The following SEMA6D variants were observed in gnomAD, a reference collection of about 807,000 sequenced individuals.
SEMA6D encodes semaphorin-6D.
A neutral mutation model predicts 106.6 loss-of-function variants in SEMA6D; 35 were observed. The ratio of observed to expected loss-of-function variants is 0.33; its 90% CI spans 0.25 to 0.44. SEMA6D has a LOEUF of 0.44. Ranked by LOEUF, SEMA6D falls within the 20% of genes least tolerant of loss-of-function variation. SEMA6D has a pLI of 1.00. For missense variants in SEMA6D, 1,185 were observed against 1,345.9 expected (o/e 0.88, Z 1.87); for synonymous variants, 499 against 487.7 (o/e 1.02, Z -0.31).
chr15:47,241,908 G>A (rs976054569), intron 1 of SEMA6D, among the ~76,000 whole-genome samples: 2 of 151,978 alleles, frequency 1.3e-5, no homozygotes, highest in Non-Finnish European at 2.9e-5. Flanking sequence ...TGTATTTCTG[G>A]CCCTTGTCCT....
At chr15:47,534,897 A>G (rs548581217) in intron 3 of SEMA6D, among the ~76,000 whole-genome samples, 1 of 152,190 alleles carries the variant, frequency 6.6e-6, no homozygotes, top group East Asian at 1.9e-4. Flanking sequence ...ACTTTGTTCT[A>G]TATATAAACA....
At chr15:47,446,975 C>T (rs773742391) in intron 2 of SEMA6D, among the ~76,000 whole-genome samples, 6 of 152,096 alleles carry the variant, frequency 3.9e-5, no homozygotes, top group African/African-American at 9.7e-5. Context: ...CCGGAAATCA[C>T]GACATGACAC....
At chr15:47,543,348 A>G (rs1402136562) in intron 3 of SEMA6D, among the ~76,000 whole-genome samples, 1 of 152,060 alleles carries the variant, frequency 6.6e-6, no homozygotes, top group Non-Finnish European at 1.5e-5. Context: ...TTCCCCCCAT[A>G]CTGTTCTCAT....
chr15:47,524,142 T>C (rs1219916837), intron 3 of SEMA6D, among the ~76,000 whole-genome samples: 1 of 152,210 alleles, frequency 6.6e-6, no homozygotes, highest in Non-Finnish European at 1.5e-5. Context: ...CAGTGTATAA[T>C]TTAGTGACAG....
At chr15:47,622,103 G>A (rs1417439492) in intron 4 of SEMA6D, among the ~76,000 whole-genome samples, 1 of 151,494 alleles carries the variant, frequency 6.6e-6, no homozygotes, top group Admixed American at 6.6e-5. Flanking sequence ...TAGATTGCTG[G>A]TGGTTGAGGT....
intron 1 of SEMA6D, among the ~76,000 whole-genome samples, chr15:47,267,770 C>G (rs1449499904): frequency 6.6e-6 from 1 of 152,034 alleles, no homozygotes; most frequent in African/African-American, 2.4e-5. Context: ...CATTCAAATT[C>G]TTATTAAGTT....
At chr15:47,770,060 T>C (rs1365961189) in intron 18 of SEMA6D, among the ~76,000 whole-genome samples, 1 of 152,222 alleles carries the variant, frequency 6.6e-6, no homozygotes, top group African/African-American at 2.4e-5. Context: ...TTTTAGCATA[T>C]GTTTATGCTA....
At chr15:47,693,828 T>C (rs984828317) in intron 4 of SEMA6D, among the ~76,000 whole-genome samples, 1 of 152,048 alleles carries the variant, frequency 6.6e-6, no homozygotes, top group Non-Finnish European at 1.5e-5. Flanking sequence ...TTGTCCCAGC[T>C]ACTTGGGAGG....
chr15:47,638,724 A>T (rs1277774666), intron 4 of SEMA6D, among the ~76,000 whole-genome samples: 1 of 152,202 alleles, frequency 6.6e-6, no homozygotes, highest in South Asian at 2.1e-4. Flanking sequence ...ACATGACACC[A>T]AGGAGGCGCT....
At chr15:47,187,562 T>G (rs1303122385) in intron 1 of SEMA6D, among the ~76,000 whole-genome samples, 1 of 152,180 alleles carries the variant, frequency 6.6e-6, no homozygotes, top group Non-Finnish European at 1.5e-5. Flanking sequence ...AAACATTCAT[T>G]ACTCAACAAC....
At chr15:47,279,013 G>A (rs1432544624) in intron 1 of SEMA6D, among the ~76,000 whole-genome samples, 2 of 135,158 alleles carry the variant, frequency 1.5e-5, no homozygotes, top group Admixed American at 1.6e-4. Context: ...TTTGGTTACT[G>A]TAGCCTTGTA....
At chr15:47,231,651 A>G (rs1218918023) in intron 1 of SEMA6D, among the ~76,000 whole-genome samples, 2 of 152,004 alleles carry the variant, frequency 1.3e-5, no homozygotes, top group African/African-American at 4.8e-5. Flanking sequence ...CTTGCATAGG[A>G]CAATTCTTCT....
intron 1 of SEMA6D, among the ~76,000 whole-genome samples, chr15:47,350,513 C>T (rs943536653): frequency 6.6e-6 from 1 of 152,146 alleles, no homozygotes; most frequent in Non-Finnish European, 1.5e-5. Flanking sequence ...ACGCTTCAGT[C>T]ATTTCTCTGT....
At chr15:47,501,806 A>T (rs531012047) in intron 3 of SEMA6D, among the ~76,000 whole-genome samples, 1 of 152,288 alleles carries the variant, frequency 6.6e-6, no homozygotes, top group African/African-American at 2.4e-5. Context: ...ACCCCAAAAT[A>T]GCCAAACATT....
chr15:47,268,304 G>A (rs1034346937), intron 1 of SEMA6D, among the ~76,000 whole-genome samples: 5 of 152,080 alleles, frequency 3.3e-5, no homozygotes, highest in Admixed American at 1.3e-4. Context: ...TCCATTTACT[G>A]CTAATATTAT....
chr15:47,436,720 C>T (rs2041715123), intron 2 of SEMA6D, among the ~76,000 whole-genome samples: 1 of 147,100 alleles, frequency 6.8e-6, no homozygotes, highest in African/African-American at 2.5e-5. Context: ...CCCTTGAGGC[C>T]AGGAGTTTGA....
intron 1 of SEMA6D, among the ~76,000 whole-genome samples, chr15:47,369,509 CT>C (rs2039190726): frequency 6.6e-6 from 1 of 152,174 alleles, no homozygotes; most frequent in Non-Finnish European, 1.5e-5. Context: ...GTTATCAAGA[CT>C]TTAAATTCTC....
intron 3 of SEMA6D, among the ~76,000 whole-genome samples, chr15:47,488,052 A>G (rs1392808337): frequency 4.6e-5 from 7 of 152,266 alleles, no homozygotes; most frequent in African/African-American, 1.7e-4. Context: ...TCTCTGATAT[A>G]CATGCACCTG....
At chr15:47,647,339 C>G (rs2077598982) in intron 4 of SEMA6D, among the ~76,000 whole-genome samples, 1 of 152,184 alleles carries the variant, frequency 6.6e-6, no homozygotes, top group Admixed American at 6.6e-5. Context: ...CGGGGTCTGT[C>G]AAGTGCTATT....
Sources: gnomAD v4.1 joint callset for allele counts (sites outside exome capture counted in the v4.1 genomes callset) on GRCh38, gnomAD v4.1.1 for gene constraint, MANE v1.5 for transcripts, NCBI Gene and HGNC (gene_info 2026-07-23, HGNC 2026-07-21) for gene names.